The following TMEM245 variants were observed in gnomAD, a reference collection of about 807,000 sequenced individuals.
TMEM245 encodes transmembrane protein 245.
Under a neutral mutation model 101.2 loss-of-function variants are expected in TMEM245, and 69 were observed. The ratio of observed to expected loss-of-function variants is 0.68; its 90% CI spans 0.56 to 0.83. The LOEUF is 0.83. Ranked by LOEUF, TMEM245 falls within the 40% of genes least tolerant of loss-of-function variation. TMEM245 has a pLI of 0.00. For missense variants in TMEM245, 1,075 were observed against 1,092.8 expected, an observed-to-expected ratio of 0.98 and a Z score of 0.23; for synonymous variants, 537 against 449.8, an observed-to-expected ratio of 1.19 and a Z score of -2.45.
intron 14 of TMEM245, among the ~76,000 whole-genome samples, chr9:109,044,850 C>T (rs796203942): frequency 4.6e-5 from 7 of 151,472 alleles, no homozygotes; most frequent in African/African-American, 1.7e-4. Context: ...ACCTCCACCA[C>T]CTGGGTTCAA....
chr9:109,047,824 C>A (rs1448022423), intron 14 of TMEM245, among the ~76,000 whole-genome samples: 1 of 152,230 alleles, frequency 6.6e-6, no homozygotes, highest in Non-Finnish European at 1.5e-5. Context: ...TTAAGCCACA[C>A]TGACTGGAGA....
chr9:109,108,572 TTAAA>T lies in TMEM245; in HGVS notation c.580-6_580-3del, dbSNP rs771570826. Reference sequence around the variant, plus strand: ...ATAGCCAACCACCAACGTCCAGATCTTAAATAAATGAAAGACACAGCTGTAAAAT... The same window carrying T: ...ATAGCCAACCACCAACGTCCAGATCTTAAATGAAAGACACAGCTGTAAAAT... On this transcript the variant is annotated splice_polypyrimidine_tract_variant and splice_region_variant and intron_variant, in intron 1 of 17. Coordinates refer to ENST00000374586, the MANE Select transcript of TMEM245 (RefSeq NM_032012.4). 1.3e-6 allele frequency: 2 copies of T among 1,585,632 alleles called. No homozygotes were observed. The highest frequency in any genetic ancestry group is 1.4e-5 in the African/African-American group (1 of 73,308).
intron 12 of TMEM245, among the ~76,000 whole-genome samples, chr9:109,055,885 C>T (rs1265053868): frequency 2.0e-5 from 3 of 152,162 alleles, no homozygotes; most frequent in Non-Finnish European, 2.9e-5. Context: ...CCACCCGCCT[C>T]GGCCTCCCAA....
intron 11 of TMEM245, among the ~76,000 whole-genome samples, chr9:109,057,712 C>T (rs938144527): frequency 2.6e-5 from 4 of 151,942 alleles, no homozygotes; most frequent in Non-Finnish European, 4.4e-5. Flanking sequence ...GAATGTACCA[C>T]GGCACTCCAG....
chr9:109,076,486 A>T (rs1829509484), intron 8 of TMEM245, among the ~76,000 whole-genome samples: 1 of 152,122 alleles, frequency 6.6e-6, no homozygotes, highest in African/African-American at 2.4e-5. Context: ...CATATGTAAC[A>T]AACCTGCACG....
At chr9:109,111,491 G>GCCCTCCCTCTCCCTCTCCCTCTCCCTC (rs1164610115) in intron 1 of TMEM245, among the ~76,000 whole-genome samples, 1 of 152,062 alleles carries the variant, frequency 6.6e-6, no homozygotes, top group Non-Finnish European at 1.5e-5. Context: ...GAAATTTATT[G>GCCCTCCCTCTCCCTCTCCCTCTCCCTC]TCTAACAAGA....
intron 3 of TMEM245, among the ~76,000 whole-genome samples, chr9:109,106,217 T>G (rs1170510788): frequency 6.6e-6 from 1 of 151,768 alleles, no homozygotes; most frequent in Admixed American, 6.6e-5. Context: ...GAGCAAGACC[T>G]TGTCACTAAA....
chr9:109,072,633 C>A (rs1014183646), intron 9 of TMEM245, among the ~76,000 whole-genome samples: 7 of 152,218 alleles, frequency 4.6e-5, no homozygotes, highest in African/African-American at 2.4e-5. Context: ...GTCCCCAACA[C>A]AAAAGGAGGT....
intron 1 of TMEM245, among the ~76,000 whole-genome samples, chr9:109,114,950 T>C (rs1461617045): frequency 1.3e-5 from 2 of 152,190 alleles, no homozygotes; most frequent in Admixed American, 6.5e-5. Flanking sequence ...CATAAATGAT[T>C]AGTGTTTCAC....
chr9:109,119,387 A>G lies in TMEM245; in HGVS notation c.527T>C (p.Val176Ala). ...GCGGCAGATGAGCGTGGCAGCGTGC[A>G]CCAGCAGCACCTGCACGCCCAAGTA... ...GSYLGVQVLL[V>A]HAATLICRGL... Residue 176 changes from valine to alanine, a missense_variant, in exon 1 of 18, where the codon GTG becomes GCG. By Grantham distance (64) the Val-to-Ala change is moderately conservative. Around this residue, in one of 2 missense-constraint regions of TMEM245, gnomAD observed 808 missense variants for 741.5 expected, o/e 1.09. Transcript: ENST00000374586. 1 of 1,528,958 alleles carries G rather than the reference A, an allele frequency of 6.5e-7. No homozygotes were observed. The highest frequency in any genetic ancestry group is 8.8e-7 in the Non-Finnish European group (1 of 1,142,160). The allele number at this position is 1,528,958 out of a possible 1,614,324, so 94.7% of individuals were successfully genotyped here.
At chr9:109,022,807 AAT>A in intron 17 of TMEM245, among the ~76,000 whole-genome samples, 1 of 152,360 alleles carries the variant, frequency 6.6e-6, no homozygotes, top group African/African-American at 2.4e-5. Context: ...CTTTGCAAGC[AAT>A]AGTCAAAAAC....
intron 10 of TMEM245, among the ~76,000 whole-genome samples, chr9:109,061,724 A>G (rs1287583911): frequency 6.6e-6 from 1 of 151,898 alleles, no homozygotes; most frequent in Non-Finnish European, 1.5e-5. Flanking sequence ...GTGCGCCCCC[A>G]CACCCAGTTA....
chr9:109,048,261 G>A (rs1423267954), intron 14 of TMEM245, among the ~76,000 whole-genome samples: 1 of 152,128 alleles, frequency 6.6e-6, no homozygotes, highest in African/African-American at 2.4e-5. Flanking sequence ...GGCCTTGCTA[G>A]TAGGAAAAGG....
intron 12 of TMEM245, among the ~76,000 whole-genome samples, chr9:109,055,696 G>A (rs564197623): frequency 4.2e-4 from 63 of 151,014 alleles, no homozygotes; most frequent in Admixed American, 9.9e-4. Context: ...GCTCAGTGGC[G>A]CAATCTCAGC....
chr9:109,074,975 G>A (rs945993951), intron 8 of TMEM245, among the ~76,000 whole-genome samples: 6 of 152,216 alleles, frequency 3.9e-5, no homozygotes, highest in Non-Finnish European at 8.8e-5. Context: ...ACTTAGGCTA[G>A]CATTTTGTGG....
Position 109,020,393 on chromosome 9 carries a change from C to T in TMEM245, c.*67G>A. 6.7e-7 allele frequency: 1 copy of T among 1,501,702 alleles called. No homozygotes were observed. Among genetic ancestry groups the T allele is most frequent in the Non-Finnish European group, 9.3e-7 (1 of 1,077,556 alleles). The allele number at this position is 1,501,702 out of a possible 1,614,324, so 93.0% of individuals were successfully genotyped here. On this transcript the variant is annotated 3_prime_UTR_variant, in exon 18 of 18. Transcript: ENST00000374586. ...TAGGCACAGCTGGAAGGGCAGAGGG[C>T]CACAGCTGAGCTGAACTCGCTGTCA...
intron 3 of TMEM245, among the ~76,000 whole-genome samples, chr9:109,098,500 A>C (rs1830199417): frequency 6.6e-6 from 1 of 152,202 alleles, no homozygotes; most frequent in African/African-American, 2.4e-5. Context: ...TTCTGTCTCA[A>C]TGATACCCTT....
chr9:109,094,541 C>T (rs1408526468), intron 3 of TMEM245, among the ~76,000 whole-genome samples: 2 of 152,206 alleles, frequency 1.3e-5, no homozygotes, highest in African/African-American at 4.8e-5. Flanking sequence ...TGTCTGATCT[C>T]TAACTTCACG....
In TMEM245 at chr9:109,044,518, C is replaced by T. The variant is rs1828415526; in HGVS notation, c.2123+5765G>A. ...TCTTTTCTAAAGGACTGTCATTCCC[C>T]TTCCCAGTATTCTAGCCTCACTGCA... On this transcript the variant is annotated intron_variant, in intron 14 of 17. Transcript: ENST00000374586. 2.0e-5 allele frequency among the ~76,000 whole-genome samples: 3 copies of T among 152,170 alleles called. No homozygotes were observed. The South Asian group carries it at 6.2e-4, about 32-fold the overall frequency.
Sources: allele counts gnomAD v4.1 joint callset (sites outside exome capture counted in the v4.1 genomes callset), GRCh38; gene constraint gnomAD v4.1.1; regional missense constraint gnomAD v4.1.1; transcripts MANE v1.5; gene names NCBI Gene and HGNC (gene_info 2026-07-23, HGNC 2026-07-21).